GAB2: variants seen among roughly 807,000 people sequenced by gnomAD.
The protein encoded by GAB2 is GRB2 associated binding protein 2, also known as GRB2-associated-binding protein 2.
Under a neutral mutation model 65.5 loss-of-function variants are expected in GAB2, and 26 were observed. The observed-to-expected ratio is 0.40, with a 90% confidence interval of 0.29 to 0.55. The LOEUF (loss-of-function observed/expected upper bound fraction) is 0.55. Among genes scored for constraint, GAB2 ranks in the 20% least tolerant of loss-of-function variants. GAB2 has a pLI of 0.53. For missense variants in GAB2, 884 were observed against 875.8 expected (o/e 1.01, Z -0.12); for synonymous variants, 321 against 329.6 (o/e 0.97, Z 0.28).
intron 1 of GAB2, among the ~76,000 whole-genome samples, chr11:78,312,310 C>CACCACA (rs1554987414): frequency 1.3e-5 from 2 of 151,934 alleles, no homozygotes; most frequent in Admixed American, 6.6e-5. Flanking sequence ...CCACCACCAC[C>CACCACA]ACAACAAAAA....
chr11:78,337,579 T>G (rs1266730882), intron 1 of GAB2, among the ~76,000 whole-genome samples: 1 of 152,092 alleles, frequency 6.6e-6, no homozygotes, highest in Non-Finnish European at 1.5e-5. Context: ...AATGGTAGAG[T>G]ATTAGGCAAA....
At chr11:78,346,683 AT>A (rs1856186378) in intron 1 of GAB2, among the ~76,000 whole-genome samples, 1 of 18,054 alleles carries the variant, frequency 5.5e-5, no homozygotes, top group African/African-American at 1.4e-4. Context: ...CCATATATAT[AT>A]ATATATATAT....
chr11:78,393,694 C>T (rs73502951), intron 1 of GAB2, among the ~76,000 whole-genome samples: 1 of 152,026 alleles, frequency 6.6e-6, no homozygotes, highest in African/African-American at 2.4e-5. Flanking sequence ...TATAAAATAG[C>T]GGAAAATAGT....
Position 78,417,704 on chromosome 11 carries a change from T to TCGC in GAB2, c.14_16dup (p.Gly5dup), listed in dbSNP as rs781098960. 1.0e-5 allele frequency: 14 copies of TCGC among 1,344,536 alleles called. No individual in the cohort carries two copies. The highest frequency in any genetic ancestry group is 3.1e-5 in the African/African-American group (2 of 64,718). 83.3% of individuals were successfully genotyped at this position (1,344,536 alleles called of 1,614,324 possible). Reference sequence around the variant, plus strand: ...CCTCAGCCAGCCGGTGCACACCACGTCGCCGCCGCCGCTCATGCTGCCGGC... The same window carrying TCGC: ...CCTCAGCCAGCCGGTGCACACCACGTCGCCGCCGCCGCCGCTCATGCTGCCGGC... On this transcript the variant is annotated inframe_insertion, in exon 1 of 10. Coordinates refer to ENST00000361507, the MANE Select transcript of GAB2 (RefSeq NM_080491.3).
intron 2 of GAB2, among the ~76,000 whole-genome samples, chr11:78,275,346 G>C (rs1866136943): frequency 6.6e-6 from 1 of 152,010 alleles, no homozygotes; most frequent in Non-Finnish European, 1.5e-5. Flanking sequence ...AAATAAAGGT[G>C]ATAAAGTGAT....
intron 1 of GAB2, among the ~76,000 whole-genome samples, chr11:78,291,011 G>C (rs569510339): frequency 1.3e-5 from 2 of 152,252 alleles, no homozygotes; most frequent in East Asian, 3.9e-4. Context: ...TGGCATGACA[G>C]CAACCATACA....
intron 1 of GAB2, among the ~76,000 whole-genome samples, chr11:78,317,847 A>G (rs963950953): frequency 6.6e-6 from 1 of 151,986 alleles, no homozygotes; most frequent in Admixed American, 6.5e-5. Flanking sequence ...GGTTTTGTCA[A>G]CCATTAAAAA....
At chr11:78,245,892 T>C (rs749579615) in intron 3 of GAB2, among the ~76,000 whole-genome samples, 2 of 152,196 alleles carry the variant, frequency 1.3e-5, no homozygotes, top group Non-Finnish European at 2.9e-5. Flanking sequence ...TCCCAAAGGA[T>C]ACTTTTGCCG....
At chr11:78,309,926 A>ATTGTGTGTG (rs1163936315) in intron 1 of GAB2, among the ~76,000 whole-genome samples, 2 of 135,592 alleles carry the variant, frequency 1.5e-5, no homozygotes, top group South Asian at 2.5e-4. Flanking sequence ...AGGGTTAGAA[A>ATTGTGTGTG]TGTGTGTGTG....
intron 1 of GAB2, among the ~76,000 whole-genome samples, chr11:78,347,590 T>C (rs1362340157): frequency 6.6e-6 from 1 of 152,192 alleles, no homozygotes; most frequent in Admixed American, 6.6e-5. Context: ...ACCTAAAAGA[T>C]AATCCCCATG....
chr11:78,225,292 A>C (rs1165646260), intron 4 of GAB2, 90 bp from the exon 5 acceptor site: 2 of 805,320 alleles, frequency 2.5e-6, no homozygotes, highest in African/African-American at 3.4e-5. Context: ...TCAAGGTCTT[A>C]CTGATACTCC....
In GAB2 at chr11:78,226,903, G is replaced by C. The variant is rs2134469990; in HGVS notation, c.769C>G (p.His257Asp). Reference protein sequence around the residue: ...GFYSLPKPSRHNTEFRDSTYD... With the variant: ...GFYSLPKPSRDNTEFRDSTYD... ...GTACTGTCTCTGAATTCTGTATTGT[G>C]CCGGCTCGGCTTGGGAAGGCTATAG... Residue 257 changes from histidine to aspartate, a missense_variant, in exon 4 of 10, where the codon CAC becomes GAC. Transcript: ENST00000361507. 1 of 1,614,066 alleles carries C rather than the reference G, an allele frequency of 6.2e-7. No individual in the cohort carries two copies. Among genetic ancestry groups the C allele is most frequent in the Non-Finnish European group, 8.5e-7 (1 of 1,179,990 alleles).
chr11:78,323,041 T>C (rs975293324), intron 1 of GAB2, among the ~76,000 whole-genome samples: 5 of 152,180 alleles, frequency 3.3e-5, no homozygotes, highest in Admixed American at 1.3e-4. Flanking sequence ...CAGCACTATT[T>C]ACAACAGCAA....
intron 1 of GAB2, among the ~76,000 whole-genome samples, chr11:78,402,655 C>A (rs954030519): frequency 6.7e-6 from 1 of 150,364 alleles, no homozygotes; most frequent in Non-Finnish European, 1.5e-5. Context: ...GGGATTTCAC[C>A]ATGTTGGCCA....
At chr11:78,374,313 C>T (rs922586546) in intron 1 of GAB2, among the ~76,000 whole-genome samples, 1 of 152,180 alleles carries the variant, frequency 6.6e-6, no homozygotes, top group Non-Finnish European at 1.5e-5. Context: ...GTCTACAATA[C>T]AAATAATCCG....
intron 2 of GAB2, among the ~76,000 whole-genome samples, chr11:78,265,329 T>C (rs1378882034): frequency 6.6e-6 from 1 of 152,108 alleles, no homozygotes; most frequent in East Asian, 1.9e-4. Flanking sequence ...AATTCTAGCC[T>C]GGCCAGTCAG....
intron 1 of GAB2, among the ~76,000 whole-genome samples, chr11:78,322,587 A>G (rs1231238166): frequency 6.6e-6 from 1 of 151,912 alleles, no homozygotes; most frequent in Non-Finnish European, 1.5e-5. Context: ...GAGAATCTTT[A>G]TCTAAGAACT....
At chr11:78,322,298 CAAAAAAAA>C (rs56709163) in intron 1 of GAB2, among the ~76,000 whole-genome samples, 332 of 12,038 alleles carry the variant, frequency 0.028, 6 homozygotes, top group East Asian at 0.14. Context: ...GACTCTGTCT[CAAAAAAAA>C]AAAAAAAAAA....
At chr11:78,229,115 T>G (rs1409957001) in intron 3 of GAB2, among the ~76,000 whole-genome samples, 12 of 152,172 alleles carry the variant, frequency 7.9e-5, no homozygotes, top group African/African-American at 2.9e-4. Context: ...AGTATGTAGC[T>G]GCTGACAGTT....
Sources: gnomAD v4.1 joint callset for allele counts (sites outside exome capture counted in the v4.1 genomes callset) on GRCh38, gnomAD v4.1.1 for gene constraint, MANE v1.5 for transcripts, NCBI Gene and HGNC (gene_info 2026-07-23, HGNC 2026-07-21) for gene names.